The following NEXMIF variants were observed in gnomAD, a reference collection of about 807,000 sequenced individuals.
NEXMIF encodes XLMR protein related to neurite extension.
A neutral mutation model predicts 62.1 loss-of-function variants in NEXMIF; 8 were observed. The ratio of observed to expected loss-of-function variants is 0.13; its 90% CI spans 0.08 to 0.23. The LOEUF (loss-of-function observed/expected upper bound fraction) is 0.23, where lower values mean the gene tolerates loss of function less well. Ranked by LOEUF, NEXMIF falls within the 10% of genes least tolerant of loss-of-function variation. The probability of loss-of-function intolerance (pLI) is 1.00; values close to 1 mark genes in which losing one functional copy is unlikely to be tolerated. For synonymous variants in NEXMIF, 404 were observed against 416.6 expected (o/e 0.97, Z 0.37); for missense variants, 976 against 1,113.3 (o/e 0.88, Z 1.75).
chrX:74,842,492 T>A (rs1302923459), intron 1 of NEXMIF, among the ~76,000 whole-genome samples: 1 of 112,154 alleles, frequency 8.9e-6, no homozygotes, highest in Non-Finnish European at 1.9e-5. Flanking sequence ...CTGATTTTTT[T>A]TATTTCTTGT....
intron 1 of NEXMIF, among the ~76,000 whole-genome samples, chrX:74,767,537 C>T (rs1166876504): frequency 1.8e-5 from 2 of 111,565 alleles, no homozygotes; most frequent in Non-Finnish European, 3.8e-5. Flanking sequence ...CTTTGTAGAG[C>T]TGCTGTACTG....
chrX:74,893,201 C>T (rs2080723273), intron 1 of NEXMIF, among the ~76,000 whole-genome samples: 1 of 112,121 alleles, frequency 8.9e-6, no homozygotes, highest in African/African-American at 3.2e-5. Context: ...AAACAAGAGT[C>T]TAAGTAATCC....
intron 1 of NEXMIF, among the ~76,000 whole-genome samples, chrX:74,784,170 T>C (rs1029461792): frequency 8.0e-5 from 9 of 111,880 alleles, no homozygotes; most frequent in Admixed American, 1.9e-4. Context: ...GATTATAGTA[T>C]AATTAACCAT....
At chrX:74,791,277 A>G (rs1401775800) in intron 1 of NEXMIF, among the ~76,000 whole-genome samples, 1 of 111,773 alleles carries the variant, frequency 8.9e-6, no homozygotes, top group Non-Finnish European at 1.9e-5. Flanking sequence ...GCTGGATTAC[A>G]TTTATTGATT....
rs1478582817 is a variant in NEXMIF, at chrX:74,742,011, T to C, written c.2546A>G (p.Glu849Gly). 8.3e-7 allele frequency: 1 copy of C among 1,211,636 alleles called. No individual in the cohort carries two copies. Among genetic ancestry groups the C allele is most frequent in the South Asian group, 1.8e-5 (1 of 56,969 alleles). Reference protein sequence around the residue: ...EQNEGSLTQTEKSFVPLQPTQ... With the variant: ...EQNEGSLTQTGKSFVPLQPTQ... Reference sequence around the variant, plus strand: ...AGGCTGGAGGGGTACAAATGATTTTTCGGTTTGAGTGAGGCTGCCTTCATT... The same window carrying C: ...AGGCTGGAGGGGTACAAATGATTTTCCGGTTTGAGTGAGGCTGCCTTCATT... The change falls in exon 3 of 4, where the codon GAA (glutamate) becomes GGA (glycine). Residue 849 changes from glutamate to glycine, a missense_variant. Coordinates refer to ENST00000055682, the MANE Select transcript of NEXMIF (RefSeq NM_001008537.3).
At chrX:74,871,284 A>G (rs967668189) in intron 1 of NEXMIF, among the ~76,000 whole-genome samples, 3 of 111,363 alleles carry the variant, frequency 2.7e-5, no homozygotes, top group African/African-American at 9.8e-5. Context: ...AAAATCAGCA[A>G]GTTTTTATTA....
chrX:74,823,990 A>G (rs943102972), intron 1 of NEXMIF, among the ~76,000 whole-genome samples: 1 of 111,416 alleles, frequency 9.0e-6, no homozygotes, highest in African/African-American at 3.3e-5. Context: ...GAATATCTAG[A>G]GAAATATTCA....
intron 1 of NEXMIF, among the ~76,000 whole-genome samples, chrX:74,863,307 C>A: frequency 9.0e-6 from 1 of 110,535 alleles, no homozygotes; most frequent in Non-Finnish European, 1.9e-5. Context: ...GAGATAGAGA[C>A]ACAAAAAACT....
intron 1 of NEXMIF, among the ~76,000 whole-genome samples, chrX:74,919,105 TAA>T (rs2147376946): frequency 8.9e-6 from 1 of 112,394 alleles, no homozygotes; most frequent in Non-Finnish European, 1.9e-5. Flanking sequence ...CTTCTAAACC[TAA>T]GTTTCTCCTG....
intron 1 of NEXMIF, among the ~76,000 whole-genome samples, chrX:74,801,897 T>C (rs925654442): frequency 8.9e-6 from 1 of 112,118 alleles, no homozygotes; most frequent in African/African-American, 3.2e-5. Context: ...CCCTTGGGCC[T>C]AAGGGAACAT....
intron 1 of NEXMIF, among the ~76,000 whole-genome samples, chrX:74,897,693 G>C (rs1367349942): frequency 9.0e-6 from 1 of 111,486 alleles, no homozygotes; most frequent in African/African-American, 3.3e-5. Flanking sequence ...AACACTAGAG[G>C]GGGTAATGGT....
intron 1 of NEXMIF, among the ~76,000 whole-genome samples, chrX:74,749,447 A>T (rs1244817248): frequency 9.1e-6 from 1 of 110,065 alleles, no homozygotes; most frequent in African/African-American, 3.3e-5. Flanking sequence ...ATCAATCCTC[A>T]CCTTCTCCAG....
Position 74,744,959 on chromosome X carries a change from C to T in NEXMIF, c.80-482G>A, listed in dbSNP as rs867674624. Among the ~76,000 whole-genome samples the T allele has an allele frequency of 1.1e-4, 7 of 63,799 alleles. No individual in the cohort carries two copies. In the East Asian group the frequency reaches 2.8e-3, roughly 25 times the overall value. The allele number at this position is 63,799 out of a possible 115,157, so 55.4% of individuals were successfully genotyped here. A position where few individuals can be genotyped will look rare whatever the true frequency, so the allele number is the denominator to read the frequency against. On this transcript the variant is annotated intron_variant, in intron 2 of 3. Transcript: ENST00000055682. ...TCTCTCTCTCTCTCTCTTCTCTCTC[C>T]TCCCTCTCTCTCCCTCTCTCCCTCT... is the stretch of plus-strand genomic sequence containing the variant.
intron 1 of NEXMIF, among the ~76,000 whole-genome samples, chrX:74,828,143 T>A (rs1264163617): frequency 9.0e-5 from 10 of 111,619 alleles, no homozygotes; most frequent in Non-Finnish European, 1.9e-4. Context: ...TGGGTGGGTT[T>A]GTAGAGAGAA....
At chrX:74,786,109 G>T (rs2080259545) in intron 1 of NEXMIF, among the ~76,000 whole-genome samples, 1 of 111,807 alleles carries the variant, frequency 8.9e-6, no homozygotes, top group Admixed American at 9.5e-5. Flanking sequence ...TTGTCATGGT[G>T]GGCCAGATTT....
intron 1 of NEXMIF, among the ~76,000 whole-genome samples, chrX:74,924,467 G>C (rs2147379760): frequency 8.8e-6 from 1 of 113,272 alleles, no homozygotes; most frequent in East Asian, 2.8e-4. Context: ...CCGCCGCGTG[G>C]GTTTTCCCGC....
chrX:74,744,783 G>C (rs2080120407), intron 2 of NEXMIF, among the ~76,000 whole-genome samples: 1 of 111,671 alleles, frequency 9.0e-6, no homozygotes, highest in Non-Finnish European at 1.9e-5. Context: ...AGGCTTTCAA[G>C]GGGAAAATGC....
In NEXMIF at chrX:74,741,330, G is replaced by T. The variant is rs2080102579; in HGVS notation, c.3227C>A (p.Thr1076Asn). The T allele has an allele frequency of 1.7e-6, 2 of 1,211,283 alleles. No individual in the cohort carries two copies. Among genetic ancestry groups the T allele is most frequent in the South Asian group, 3.5e-5 (2 of 56,926 alleles). ...GGTAATTTGAGGGGAAAGACTAGGG[G>T]TGTCCGGTGGGGACATCTCTGAAAG... ...SSLSEMSPPD[T>N]PSLSPQITRC... The change falls in exon 3 of 4, where the codon ACC (threonine) becomes AAC (asparagine). Residue 1076 changes from threonine to asparagine, a missense_variant. Coordinates refer to ENST00000055682, the MANE Select transcript of NEXMIF (RefSeq NM_001008537.3).
intron 1 of NEXMIF, among the ~76,000 whole-genome samples, chrX:74,800,251 G>C (rs1265485400): frequency 9.0e-6 from 1 of 111,450 alleles, no homozygotes; most frequent in East Asian, 2.8e-4. Flanking sequence ...GCATGTAGGG[G>C]CTTTAGTGAT....
Sources: gnomAD v4.1 joint callset for allele counts (sites outside exome capture counted in the v4.1 genomes callset) on GRCh38, gnomAD v4.1.1 for gene constraint, MANE v1.5 for transcripts, NCBI Gene and HGNC (gene_info 2026-07-23, HGNC 2026-07-21) for gene names.